Variants in KCNH1 observed in about 807,000 individuals in gnomAD.
The protein encoded by KCNH1 is voltage-gated delayed rectifier potassium channel KCNH1.
KCNH1 carries 27 observed loss-of-function variants against 69.2 expected under a neutral mutation model. The observed-to-expected ratio is 0.39, with a 90% CI of 0.29 to 0.54. The LOEUF is 0.54. Ranked by LOEUF, KCNH1 falls within the 20% of genes least tolerant of loss-of-function variation. The pLI is 0.68. For missense variants in KCNH1, 798 were observed against 1,261.6 expected, an observed-to-expected ratio of 0.63 and a Z score of 5.57; for synonymous variants, 456 against 487.7, an observed-to-expected ratio of 0.93 and a Z score of 0.86.
At chr1:211,048,835 T>C (rs963405827) in intron 5 of KCNH1, among the ~76,000 whole-genome samples, 8 of 152,124 alleles carry the variant, frequency 5.3e-5, no homozygotes, top group African/African-American at 1.9e-4. Flanking sequence ...CCAAAAACTA[T>C]TGAAATTTAA....
At chr1:210,732,106 T>A (rs1574218527) in intron 10 of KCNH1, among the ~76,000 whole-genome samples, 1 of 151,812 alleles carries the variant, frequency 6.6e-6, no homozygotes, top group East Asian at 2.0e-4. Flanking sequence ...ACATCCCAGA[T>A]AACACTAGCT....
chr1:210,908,774 G>T (rs1029789944), intron 7 of KCNH1, among the ~76,000 whole-genome samples: 2 of 152,096 alleles, frequency 1.3e-5, no homozygotes, highest in Non-Finnish European at 2.9e-5. Context: ...CTCTGGCTCA[G>T]CCACCCCCAT....
chr1:210,874,766 T>C (rs1009943629), intron 7 of KCNH1, among the ~76,000 whole-genome samples: 3 of 152,160 alleles, frequency 2.0e-5, no homozygotes, highest in Non-Finnish European at 4.4e-5. Context: ...CCAAAGATCA[T>C]AGTGTTTAAT....
intron 6 of KCNH1, among the ~76,000 whole-genome samples, chr1:210,926,727 C>G (rs544604797): frequency 6.6e-6 from 1 of 151,800 alleles, no homozygotes; most frequent in African/African-American, 2.4e-5. Context: ...ACCTATGAAA[C>G]GCCAGAAAAA....
chr1:210,823,814 G>C (rs1265260757), intron 7 of KCNH1, among the ~76,000 whole-genome samples: 1 of 152,102 alleles, frequency 6.6e-6, no homozygotes, highest in South Asian at 2.1e-4. Context: ...GCAGTCTGAG[G>C]CCTGAGCGCT....
intron 6 of KCNH1, among the ~76,000 whole-genome samples, chr1:210,979,015 C>T (rs981086482): frequency 6.6e-6 from 1 of 152,218 alleles, no homozygotes; most frequent in East Asian, 1.9e-4. Flanking sequence ...AATATGCTCA[C>T]TTTAATCACT....
chr1:210,839,441 G>C (rs558147709), intron 7 of KCNH1, among the ~76,000 whole-genome samples: 2 of 152,192 alleles, frequency 1.3e-5, no homozygotes, highest in African/African-American at 4.8e-5. Flanking sequence ...TGAGGGGTGG[G>C]AAGAGGGAGA....
rs189351401 is a variant in KCNH1, at chr1:211,096,075, A to T, written c.311-5385T>A. On this transcript the variant is annotated intron_variant, in intron 3 of 10. Transcript: ENST00000271751. The stretch of plus-strand genomic sequence containing the variant: ...TATTTATTTATTTATTTATTTATTT[A>T]TTTTTTGAGATGGAGTCTCACTCTA... Among the ~76,000 whole-genome samples the T allele has an allele frequency of 3.1e-3, 464 of 151,882 alleles. 1 individual carries two copies. The highest frequency in any genetic ancestry group is 4.9e-3 in the Non-Finnish European group (331 of 67,936).
At chr1:210,965,964 C>T (rs901078788) in intron 6 of KCNH1, among the ~76,000 whole-genome samples, 3 of 152,056 alleles carry the variant, frequency 2.0e-5, no homozygotes, top group Non-Finnish European at 2.9e-5. Context: ...GGAGGTATCA[C>T]GCTACCTGAC....
Position 210,777,949 on chromosome 1 carries a change from G to A in KCNH1, c.1916-2405C>T, listed in dbSNP as rs147520325. Among the ~76,000 whole-genome samples the A allele has an allele frequency of 6.5e-4, 99 of 152,314 alleles. 1 individual carries two copies. The highest frequency in any genetic ancestry group is 3.4e-3 in the Middle Eastern group (1 of 294). ...TAAGAAGCCTTGCAGGCTCTGCCTGGATCACTTAGAACACTCATTCTTGGG... is the reference window on the plus strand; with the variant it reads ...TAAGAAGCCTTGCAGGCTCTGCCTGAATCACTTAGAACACTCATTCTTGGG... On this transcript the variant is annotated intron_variant, in intron 9 of 10. Transcript: ENST00000271751.
intron 7 of KCNH1, among the ~76,000 whole-genome samples, chr1:210,865,054 A>G (rs1430937976): frequency 6.6e-6 from 1 of 152,210 alleles, no homozygotes; most frequent in African/African-American, 2.4e-5. Flanking sequence ...CTATAATGTG[A>G]CTTCTGCCAT....
At chr1:210,932,142 A>G (rs1361206068) in intron 6 of KCNH1, among the ~76,000 whole-genome samples, 1 of 152,150 alleles carries the variant, frequency 6.6e-6, no homozygotes, top group East Asian at 1.9e-4. Flanking sequence ...CCCCAAATAG[A>G]TTCAACCTAA....
At chr1:211,095,382 T>G (rs569262525) in intron 3 of KCNH1, among the ~76,000 whole-genome samples, 2 of 152,258 alleles carry the variant, frequency 1.3e-5, no homozygotes, top group African/African-American at 4.8e-5. Context: ...GGAGGGAGGC[T>G]TTTTCCAGGA....
intron 7 of KCNH1, among the ~76,000 whole-genome samples, chr1:210,831,386 T>G (rs1182687878): frequency 6.6e-6 from 1 of 152,222 alleles, no homozygotes; most frequent in South Asian, 2.1e-4. Flanking sequence ...ATTGAAAGCT[T>G]TTAATGAGTT....
Position 210,920,179 on chromosome 1 carries a change from C to T in KCNH1, c.1033-110G>A, listed in dbSNP as rs1367372526. On this transcript the variant is annotated intron_variant, in intron 6 of 10. Transcript: ENST00000271751. ...AAGCATAGTGTATTTCCATGAGATG[C>T]AATTTTATGCAACCCTTAAAAAAAG... The T allele has an allele frequency of 1.2e-5, 10 of 858,574 alleles. No homozygotes were observed. In the South Asian group the frequency reaches 2.0e-4, roughly 18 times the overall value. 53.2% of individuals were successfully genotyped at this position (858,574 alleles called of 1,614,324 possible). A position where few individuals can be genotyped will look rare whatever the true frequency, so the allele number is the denominator to read the frequency against.
chr1:210,886,742 G>A (rs772697680), intron 7 of KCNH1, among the ~76,000 whole-genome samples: 6 of 151,758 alleles, frequency 4.0e-5, no homozygotes, highest in African/African-American at 9.7e-5. Context: ...CGAGAACTTC[G>A]TGAATATACA....
intron 6 of KCNH1, among the ~76,000 whole-genome samples, chr1:210,979,108 T>TG (rs1331884607): frequency 2.6e-5 from 4 of 152,138 alleles, no homozygotes; most frequent in Admixed American, 2.6e-4. Context: ...ACAATGCTGG[T>TG]GGGTGTGGAC....
chr1:211,013,461 A>C (rs1270158927), intron 6 of KCNH1, among the ~76,000 whole-genome samples: 1 of 152,158 alleles, frequency 6.6e-6, no homozygotes, highest in Non-Finnish European at 1.5e-5. Context: ...CACGAAAATG[A>C]AGGGAACAGC....
chr1:210,712,256 A>G (rs903796376), intron 10 of KCNH1, among the ~76,000 whole-genome samples: 2 of 152,220 alleles, frequency 1.3e-5, no homozygotes, highest in African/African-American at 4.8e-5. Context: ...AAACAACTCA[A>G]ATAAAAATAA....
Sources: allele counts gnomAD v4.1 joint callset (sites outside exome capture counted in the v4.1 genomes callset), GRCh38; gene constraint gnomAD v4.1.1; transcripts MANE v1.5; gene names NCBI Gene and HGNC (gene_info 2026-07-23, HGNC 2026-07-21).